The following GLDC variants were observed in gnomAD, a reference collection of about 807,000 sequenced individuals.
GLDC encodes glycine dehydrogenase (decarboxylating), mitochondrial.
A neutral mutation model predicts 121.3 loss-of-function variants in GLDC; 104 were observed. The ratio of observed to expected loss-of-function variants is 0.86; its 90% CI spans 0.73 to 1.01. GLDC has a LOEUF of 1.01. Ranked by LOEUF, GLDC falls within the 50% of genes least tolerant of loss-of-function variation. The pLI is 0.00. For synonymous variants in GLDC, 546 were observed against 480.6 expected, an observed-to-expected ratio of 1.14 and a Z score of -1.78; for missense variants, 1,429 against 1,306.6, an observed-to-expected ratio of 1.09 and a Z score of -1.44.
intron 7 of GLDC, among the ~76,000 whole-genome samples, 172 bp from the exon 8 acceptor site, chr9:6,602,377 ATT>A (rs879833847): frequency 5.6e-5 from 8 of 142,332 alleles, no homozygotes; most frequent in Admixed American, 7.1e-5. Context: ...ATGATTACTG[ATT>A]TTTTTTTTTT....
intron 2 of GLDC, among the ~76,000 whole-genome samples, chr9:6,625,537 C>G (rs1221565272): frequency 6.6e-6 from 1 of 152,162 alleles, no homozygotes; most frequent in African/African-American, 2.4e-5. Flanking sequence ...ACTCTCCTTC[C>G]TCATACCCAG....
In GLDC at chr9:6,645,623, G is replaced by T; in HGVS notation, c.-124C>A. 1.6e-6 allele frequency: 1 copy of T among 637,234 alleles called. No individual in the cohort carries two copies. The highest frequency in any genetic ancestry group is 2.2e-6 in the Non-Finnish European group (1 of 455,746). 39.5% of individuals were successfully genotyped at this position (637,234 alleles called of 1,614,324 possible). ...TGGAGCCCCTTTCGCTGGACAGTCG[G>T]CCGGACAGATGGATGGACGCTCGCG... On this transcript the variant is annotated 5_prime_UTR_variant, in exon 1 of 25. Coordinates refer to ENST00000321612, the MANE Select transcript of GLDC (RefSeq NM_000170.3).
At chr9:6,600,304 G>A (rs1245445063) in intron 8 of GLDC, among the ~76,000 whole-genome samples, 3 of 151,888 alleles carry the variant, frequency 2.0e-5, no homozygotes, top group African/African-American at 7.3e-5. Flanking sequence ...GGAGGTTGAA[G>A]GTTGAGGCTG....
At chr9:6,552,549 C>G (rs937944054) in intron 20 of GLDC, among the ~76,000 whole-genome samples, 1 of 152,140 alleles carries the variant, frequency 6.6e-6, no homozygotes, top group Admixed American at 6.5e-5. Context: ...ATCATAAATG[C>G]CATGCTGTTC....
chr9:6,592,239 C>G lies in GLDC; in HGVS notation c.1402-16G>C. The G allele has an allele frequency of 1.3e-6, 2 of 1,510,690 alleles. No individual in the cohort carries two copies. The highest frequency in any genetic ancestry group is 1.8e-6 in the Non-Finnish European group (2 of 1,086,698). The allele number at this position is 1,510,690 out of a possible 1,614,324, so 93.6% of individuals were successfully genotyped here. On this transcript the variant is annotated splice_polypyrimidine_tract_variant and intron_variant, in intron 10 of 24. Transcript: ENST00000321612. ...AAATACCAAGCTACAGAAACACAAA[C>G]AAAATGGAAAACATCAACTCTAAAC...
intron 8 of GLDC, 34 bp downstream of exon 8, chr9:6,602,075 G>C: frequency 8.3e-7 from 1 of 1,199,096 alleles, no homozygotes; most frequent in Non-Finnish European, 1.2e-6. Flanking sequence ...TGTATCGTAA[G>C]GCATTCAGTA....
chr9:6,629,495 T>G (rs1445410963), intron 2 of GLDC, among the ~76,000 whole-genome samples: 7 of 152,092 alleles, frequency 4.6e-5, no homozygotes, highest in Admixed American at 2.6e-4. Flanking sequence ...AAATTTTCAA[T>G]ACATTACTAG....
chr9:6,636,852 G>C (rs1253070525), intron 2 of GLDC, among the ~76,000 whole-genome samples: 2 of 151,982 alleles, frequency 1.3e-5, no homozygotes, highest in East Asian at 3.9e-4. Flanking sequence ...GGGAGGCTGA[G>C]GCGGGCAGAT....
chr9:6,588,847 A>G (rs1028062081), intron 12 of GLDC, 145 bp from the exon 13 acceptor site: 9 of 708,876 alleles, frequency 1.3e-5, no homozygotes, highest in South Asian at 1.1e-4. Flanking sequence ...ACACTCAGAG[A>G]GAAGGGCACA....
rs762989914 is a variant in GLDC at position 6,610,289 on chromosome 9, G to C, written c.538C>G (p.Gln180Glu). ...CCTGTGATGTCACACACCATGGTCT[G>C]GTAGTTGAGTAAACTCTCCAGCCTC... Reference protein sequence around the residue: ...QGRLESLLNYQTMVCDITGLD... With the variant: ...QGRLESLLNYETMVCDITGLD... Residue 180 changes from glutamine (Q) to glutamate (E), a missense_variant, in exon 4 of 25, where the codon CAG becomes GAG. Gln to Glu is a conservative substitution (Grantham distance 29). Coordinates refer to ENST00000321612, the MANE Select transcript of GLDC (RefSeq NM_000170.3). 2.5e-6 allele frequency: 4 copies of C among 1,613,714 alleles called. No homozygotes were observed. The highest frequency in any genetic ancestry group is 2.5e-6 in the Non-Finnish European group (3 of 1,179,762).
At chr9:6,613,444 A>T (rs905310361) in intron 3 of GLDC, among the ~76,000 whole-genome samples, 1 of 152,180 alleles carries the variant, frequency 6.6e-6, no homozygotes, top group Non-Finnish European at 1.5e-5. Context: ...TGGGCAACAT[A>T]GCGAGACTCT....
At chr9:6,624,363 G>T (rs1215050607) in intron 2 of GLDC, among the ~76,000 whole-genome samples, 1 of 152,180 alleles carries the variant, frequency 6.6e-6, no homozygotes, top group East Asian at 1.9e-4. Flanking sequence ...GTCCTTATAA[G>T]AAGAGCAAAA....
Position 6,536,186 on chromosome 9 carries a change from C to T in GLDC, c.2716G>A (p.Glu906Lys). Residue 906 changes from glutamate to lysine, a missense_variant, in exon 23 of 25, where the codon GAG (glutamate) becomes AAG (lysine). By Grantham distance (56) the Glu-to-Lys change is moderately conservative. Coordinates refer to ENST00000321612, the MANE Select transcript of GLDC (RefSeq NM_000170.3). Reference protein sequence around the residue: ...SWPVAGTLMVEPTESEDKAEL... With the variant: ...SWPVAGTLMVKPTESEDKAEL... ...GCCTTGTCCTCCGACTCAGTGGGCT[C>T]CACCATGAGGGTCCCTGCCACAGGC... The T allele has an allele frequency of 6.2e-7, 1 of 1,614,082 alleles. No homozygotes were observed. The highest frequency in any genetic ancestry group is 8.5e-7 in the Non-Finnish European group (1 of 1,179,992).
chr9:6,575,362 A>T (rs913913380), intron 15 of GLDC, among the ~76,000 whole-genome samples: 2 of 152,190 alleles, frequency 1.3e-5, no homozygotes, highest in Non-Finnish European at 2.9e-5. Context: ...CAGGTCCAAG[A>T]ACCTCTGGTA....
chr9:6,618,009 A>G (rs1265775049), intron 3 of GLDC, among the ~76,000 whole-genome samples: 1 of 152,108 alleles, frequency 6.6e-6, no homozygotes, highest in Non-Finnish European at 1.5e-5. Flanking sequence ...GCAACCACTT[A>G]CTCTGTCCTC....
intron 2 of GLDC, among the ~76,000 whole-genome samples, chr9:6,632,081 G>A (rs1477031244): frequency 1.3e-5 from 2 of 152,056 alleles, no homozygotes; most frequent in Admixed American, 6.6e-5. Context: ...AAAGTCATAT[G>A]GAGAAATTTG....
In GLDC at chr9:6,536,236, C is replaced by A; in HGVS notation, c.2666G>T (p.Gly889Val). ...VDVAKRLQDYGFHAPTMSWPV... is the reference protein window; with the variant it reads ...VDVAKRLQDYVFHAPTMSWPV... ...CCAGGACATGGTAGGGGCGTGAAATCCTGCAAAGGGAGACAGGAGAACTTG... is the reference window on the plus strand; with the variant it reads ...CCAGGACATGGTAGGGGCGTGAAATACTGCAAAGGGAGACAGGAGAACTTG... Residue 889 changes from glycine to valine, a missense_variant and splice_region_variant, in exon 23 of 25, where the codon GGA (glycine) becomes GTA (valine). Gly to Val is a moderately radical substitution (Grantham distance 109). Coordinates refer to ENST00000321612, the MANE Select transcript of GLDC (RefSeq NM_000170.3). 1.9e-6 allele frequency: 3 copies of A among 1,613,140 alleles called. No individual in the cohort carries two copies. In the South Asian group the frequency reaches 3.3e-5, roughly 18 times the overall value.
Position 6,554,660 on chromosome 9 carries a change from A to G in GLDC, c.2315+9T>C. 6.3e-7 allele frequency: 1 copy of G among 1,588,962 alleles called. No individual in the cohort carries two copies. The highest frequency in any genetic ancestry group is 8.6e-7 in the Non-Finnish European group (1 of 1,159,614). On this transcript the variant is annotated intron_variant, in intron 19 of 24. Transcript: ENST00000321612. ...AAAGCCATCCTGAAACCAGCAGCCCAGAACTTACACTCCGATGGGCCCCAT... is the reference window on the plus strand; with the variant it reads ...AAAGCCATCCTGAAACCAGCAGCCCGGAACTTACACTCCGATGGGCCCCAT...
chr9:6,644,674 C>T lies in GLDC; in HGVS notation c.274G>A (p.Glu92Lys), dbSNP rs1325211020. Reference sequence around the variant, plus strand: ...CGGATGTTGGCAGGGACCGTCTTCTCGATCAATTCATCAATGCTCTAAAAT... The same window carrying T: ...CGGATGTTGGCAGGGACCGTCTTCTTGATCAATTCATCAATGCTCTAAAAT... ...LGLASIDELI[E>K]KTVPANIRLK... Residue 92 changes from glutamate to lysine, a missense_variant, in exon 2 of 25, where the codon GAG becomes AAG. Coordinates refer to ENST00000321612, the MANE Select transcript of GLDC (RefSeq NM_000170.3). The T allele has an allele frequency of 6.2e-7, 1 of 1,612,664 alleles. No homozygotes were observed. The highest frequency in any genetic ancestry group is 8.5e-7 in the Non-Finnish European group (1 of 1,178,778).
Sources: gnomAD v4.1 joint callset for allele counts (sites outside exome capture counted in the v4.1 genomes callset) on GRCh38, gnomAD v4.1.1 for gene constraint, MANE v1.5 for transcripts, NCBI Gene and HGNC (gene_info 2026-07-23, HGNC 2026-07-21) for gene names.